The following RPAP2 variants were observed in gnomAD, a reference collection of about 807,000 sequenced individuals.
RPAP2 encodes the protein RNA polymerase II associated protein 2.
In RPAP2, 52 loss-of-function variants were observed where a neutral mutation model predicts 73.1. The ratio of observed to expected loss-of-function variants is 0.71; its 90% CI spans 0.57 to 0.90. The LOEUF (loss-of-function observed/expected upper bound fraction) is 0.90. Ranked by LOEUF, RPAP2 falls within the 40% of genes least tolerant of loss-of-function variation. RPAP2 has a pLI of 0.00. For synonymous variants in RPAP2, 225 were observed against 242.1 expected, an observed-to-expected ratio of 0.93 and a Z score of 0.65; for missense variants, 598 against 701.8, an observed-to-expected ratio of 0.85 and a Z score of 1.67.
In RPAP2 at chr1:92,305,387, C is replaced by A. The variant is rs573113470; in HGVS notation, c.399+1038C>A. ...GGCGGAGCTTGCAGTGAGCCGAGAT[C>A]GCACCACTGCATTCCAGCCGGGGCA... On this transcript the variant is annotated intron_variant, in intron 5 of 12. Transcript: ENST00000610020. Among the ~76,000 whole-genome samples the A allele has an allele frequency of 3.7e-5, 5 of 135,228 alleles. No homozygotes were observed. The South Asian group carries it at 9.7e-4, about 26-fold the overall frequency. 88.7% of individuals were successfully genotyped at this position (135,228 alleles called of 152,430 possible). A position where few individuals can be genotyped will look rare whatever the true frequency, so the allele number is the denominator to read the frequency against.
At position 92,345,899 on chromosome 1, in the gene RPAP2, TG is replaced by T; in HGVS notation, c.1675del (p.Val559CysfsTer6). 1 of 1,603,742 alleles carries T rather than the reference TG, an allele frequency of 6.2e-7. No individual in the cohort carries two copies. The highest frequency in any genetic ancestry group is 1.3e-5 in the African/African-American group (1 of 74,836). ...HKPAEWTLIA[M>X]VLLSLLTPIL... ...CCTGCGGAATGGACTTTAATTGCTA[TG>T]GTGTTGCTGTCATTGTAAGTACTCT... On this transcript the variant is annotated frameshift_variant, in exon 11 of 13. Coordinates refer to ENST00000610020, the MANE Select transcript of RPAP2 (RefSeq NM_024813.3). LOFTEE classifies it high-confidence loss of function.
At chr1:92,351,471 C>T (rs1401681114) in intron 11 of RPAP2, among the ~76,000 whole-genome samples, 1 of 152,064 alleles carries the variant, frequency 6.6e-6, no homozygotes, top group Non-Finnish European at 1.5e-5. Context: ...TAATCATGGT[C>T]ACAGTATTCA....
chr1:92,302,671 T>G (rs1266009315), intron 3 of RPAP2, among the ~76,000 whole-genome samples: 1 of 136,146 alleles, frequency 7.3e-6, no homozygotes, highest in Non-Finnish European at 1.6e-5. Flanking sequence ...GCGGGATCTC[T>G]GCTCACTGCA....
Position 92,388,067 on chromosome 1 carries a change from A to G in RPAP2, c.*1056A>G, listed in dbSNP as rs1034877766. 1 of 152,224 alleles carries G rather than the reference A, an allele frequency of 6.6e-6. No homozygotes were observed. Among genetic ancestry groups the G allele is most frequent in the African/African-American group, 2.4e-5 (1 of 41,464 alleles). The allele number at this position is 152,224 out of a possible 1,614,324, so 9.4% of individuals were successfully genotyped here. On this transcript the variant is annotated 3_prime_UTR_variant, in exon 13 of 13. Transcript: ENST00000610020. ...CAAAAAATCATAGTGTAATAGAATTAATCAAGTTCAGCAAGGTCACAGGCT... is the reference window on the plus strand; with the variant it reads ...CAAAAAATCATAGTGTAATAGAATTGATCAAGTTCAGCAAGGTCACAGGCT...
In RPAP2 at chr1:92,324,011, G is replaced by C; in HGVS notation, c.1091G>C (p.Arg364Thr). 1 of 1,614,012 alleles carries C rather than the reference G, an allele frequency of 6.2e-7. No homozygotes were observed. Among genetic ancestry groups the C allele is most frequent in the Non-Finnish European group, 8.5e-7 (1 of 1,179,968 alleles). The change falls in exon 8 of 13, where the codon AGA (arginine) becomes ACA (threonine). Residue 364 changes from arginine to threonine, a missense_variant. Arg to Thr is a moderately conservative substitution (Grantham distance 71, BLOSUM62 -1). This residue lies in a region of RPAP2 where 506 missense variants were observed against 612.8 expected (regional missense o/e 0.83). Transcript: ENST00000610020. ...CAGGTGTGTCCTGAAGTTGGAAAGA[G>C]AAACTTACTTAAAGTTTTGAAGGAG... Reference protein sequence around the residue: ...SVQVCPEVGKRNLLKVLKETL... With the variant: ...SVQVCPEVGKTNLLKVLKETL...
chr1:92,351,499 T>C (rs1654214179), intron 11 of RPAP2, among the ~76,000 whole-genome samples: 1 of 152,054 alleles, frequency 6.6e-6, no homozygotes, highest in African/African-American at 2.4e-5. Context: ...TTTTTTGAGA[T>C]TTAACTGGTA....
intron 6 of RPAP2, among the ~76,000 whole-genome samples, chr1:92,314,874 GTC>G (rs1304608608): frequency 6.6e-6 from 1 of 151,482 alleles, no homozygotes; most frequent in Non-Finnish European, 1.5e-5. Context: ...GCAAAACCCC[GTC>G]TCTACTAAAA....
intron 8 of RPAP2, among the ~76,000 whole-genome samples, chr1:92,329,396 C>G (rs1652831265): frequency 6.6e-6 from 1 of 152,216 alleles, no homozygotes; most frequent in African/African-American, 2.4e-5. Flanking sequence ...CCACAGGCCT[C>G]ACCCAGCTTC....
chr1:92,332,113 CT>C (rs890985572), intron 8 of RPAP2, among the ~76,000 whole-genome samples: 4 of 149,790 alleles, frequency 2.7e-5, no homozygotes, highest in South Asian at 2.1e-4. Flanking sequence ...TCTCTTTAGT[CT>C]TTTTTTTTAC....
intron 3 of RPAP2, among the ~76,000 whole-genome samples, chr1:92,301,802 G>A (rs1232904010): frequency 2.6e-5 from 4 of 152,118 alleles, no homozygotes; most frequent in Non-Finnish European, 4.4e-5. Flanking sequence ...AAATAAGTAC[G>A]TAACAAGGTG....
chr1:92,324,384 T>A lies in RPAP2; in HGVS notation c.1455+9T>A. ...CACAAGACTCAGAAGAGGTATGTCT[T>A]ACAGACATTGAGTTTTTCCAGATCG... On this transcript the variant is annotated intron_variant, in intron 8 of 12. Coordinates refer to ENST00000610020, the MANE Select transcript of RPAP2 (RefSeq NM_024813.3). 1 of 1,587,664 alleles carries A rather than the reference T, an allele frequency of 6.3e-7. No individual in the cohort carries two copies.
intron 8 of RPAP2, among the ~76,000 whole-genome samples, chr1:92,328,016 GA>G (rs1652744863): frequency 6.6e-6 from 1 of 152,212 alleles, no homozygotes; most frequent in African/African-American, 2.4e-5. Flanking sequence ...TTTCTGCTGA[GA>G]AATCTGCTGT....
chr1:92,377,660 T>C lies in RPAP2; in HGVS notation c.1689-3064T>C, dbSNP rs1453733730. Reference sequence around the variant, plus strand: ...GTTATTCAGAGTCCTGTTTTGATAATTCTCAAAGCAGGTCCAAGCTCATTA... The same window carrying C: ...GTTATTCAGAGTCCTGTTTTGATAACTCTCAAAGCAGGTCCAAGCTCATTA... On this transcript the variant is annotated intron_variant, in intron 11 of 12. Coordinates refer to ENST00000610020, the MANE Select transcript of RPAP2 (RefSeq NM_024813.3). Among the ~76,000 whole-genome samples the C allele has an allele frequency of 3.3e-5, 5 of 152,164 alleles. No homozygotes were observed. In the East Asian group the frequency reaches 9.6e-4, roughly 29 times the overall value.
intron 8 of RPAP2, 125 bp from the exon 9 acceptor site, chr1:92,333,258 ATTCTCAAG>A: frequency 1.5e-6 from 1 of 649,058 alleles, no homozygotes. Flanking sequence ...TTTAAATCTA[ATTCTCAAG>A]TCTAGTTATT....
rs3041650 is a variant in RPAP2 at position 92,395,635 on chromosome 1, CAAAAAAAAAAA to C, written c.*8637_*8647del. 1.0e-5 allele frequency: 1 copy of C among 96,090 alleles called. No homozygotes were observed. Among genetic ancestry groups the C allele is most frequent in the Admixed American group, 1.2e-4 (1 of 8,168 alleles). The allele number at this position is 96,090 out of a possible 1,614,324, so 6.0% of individuals were successfully genotyped here. On this transcript the variant is annotated 3_prime_UTR_variant, in exon 13 of 13. Coordinates refer to ENST00000610020, the MANE Select transcript of RPAP2 (RefSeq NM_024813.3). ...TGGGTGACAGAGTGAGACCCTGTCT[CAAAAAAAAAAA>C]AAAAAAAAAAAATTAATTGAAAAAT...
intron 11 of RPAP2, among the ~76,000 whole-genome samples, chr1:92,367,342 C>T (rs182421465): frequency 2.5e-4 from 38 of 152,306 alleles, no homozygotes; most frequent in African/African-American, 7.0e-4. Flanking sequence ...CTATCCCAGA[C>T]GGCTTTTGCG....
At chr1:92,339,588 T>G (rs980809453) in intron 10 of RPAP2, among the ~76,000 whole-genome samples, 1 of 152,206 alleles carries the variant, frequency 6.6e-6, no homozygotes, top group Non-Finnish European at 1.5e-5. Context: ...TGGAGACTGG[T>G]AATAGTGACA....
intron 10 of RPAP2, among the ~76,000 whole-genome samples, chr1:92,345,379 TAAAAA>T (rs57025975): frequency 5.4e-5 from 4 of 73,762 alleles, no homozygotes; most frequent in Admixed American, 3.6e-4. Context: ...CCCGTTTCTT[TAAAAA>T]AAAAAAAAAA....
At position 92,354,096 on chromosome 1, in the gene RPAP2, A is replaced by C. The variant is rs143715513; in HGVS notation, c.1688+8182A>C. 1.8e-3 allele frequency among the ~76,000 whole-genome samples: 273 copies of C among 152,280 alleles called. 3 individuals are homozygous for C. Among genetic ancestry groups the C allele is most frequent in the African/African-American group, 6.0e-3 (250 of 41,552 alleles). On this transcript the variant is annotated intron_variant, in intron 11 of 12. Transcript: ENST00000610020. ...CCAAGCAGCAGCAGTGGTGGTGATG[A>C]CAGCAGTTAGCAGCAGTTGGCCCTT...
Sources: gnomAD v4.1 joint callset for allele counts (sites outside exome capture counted in the v4.1 genomes callset) on GRCh38, gnomAD v4.1.1 for gene constraint, gnomAD v4.1.1 regional missense constraint, MANE v1.5 for transcripts, NCBI Gene and HGNC (gene_info 2026-07-23, HGNC 2026-07-21) for gene names.